MECOM: variants seen among roughly 807,000 people sequenced by gnomAD.
MECOM encodes histone-lysine N-methyltransferase MECOM.
MECOM carries 13 observed loss-of-function variants against 116.3 expected under a neutral mutation model. The ratio of observed to expected loss-of-function variants is 0.11; its 90% CI spans 0.07 to 0.18. The LOEUF is 0.18. MECOM is among the 10% of genes least tolerant of loss of function. The pLI is 1.00. For missense variants in MECOM, 1,299 were observed against 1,509.0 expected (o/e 0.86, Z 2.31); for synonymous variants, 528 against 535.2 (o/e 0.99, Z 0.19).
chr3:169,584,216 C>A (rs1278590485), intron 1 of MECOM, among the ~76,000 whole-genome samples: 2 of 152,012 alleles, frequency 1.3e-5, no homozygotes, highest in Non-Finnish European at 2.9e-5. Flanking sequence ...GACATTAGAA[C>A]AAATTTTTTT....
intron 3 of MECOM, among the ~76,000 whole-genome samples, chr3:169,137,406 G>A (rs973482760): frequency 1.3e-5 from 2 of 152,172 alleles, no homozygotes; most frequent in Admixed American, 6.5e-5. Flanking sequence ...CTGCAGGAAG[G>A]ATCCTATTAT....
At chr3:169,300,780 C>T (rs935166163) in intron 2 of MECOM, among the ~76,000 whole-genome samples, 4 of 152,202 alleles carry the variant, frequency 2.6e-5, no homozygotes, top group Admixed American at 6.5e-5. Context: ...ATAACCCAAA[C>T]GGGTTCCAAC....
chr3:169,517,357 T>C (rs1261815175), intron 1 of MECOM, among the ~76,000 whole-genome samples: 1 of 152,212 alleles, frequency 6.6e-6, no homozygotes, highest in Non-Finnish European at 1.5e-5. Flanking sequence ...AGGTAATAGA[T>C]TTATCTAAGC....
intron 1 of MECOM, among the ~76,000 whole-genome samples, chr3:169,517,311 A>C (rs933045678): frequency 6.6e-6 from 1 of 152,190 alleles, no homozygotes; most frequent in African/African-American, 2.4e-5. Flanking sequence ...AGAAATTCTC[A>C]ATAGTTGGGC....
At chr3:169,179,304 C>G (rs1316302963) in intron 2 of MECOM, among the ~76,000 whole-genome samples, 1 of 152,122 alleles carries the variant, frequency 6.6e-6, no homozygotes, top group Non-Finnish European at 1.5e-5. Context: ...AGCTAAGAAA[C>G]CCTACACTTC....
chr3:169,247,329 G>A (rs2149572452), intron 2 of MECOM, among the ~76,000 whole-genome samples: 1 of 150,882 alleles, frequency 6.6e-6, no homozygotes, highest in East Asian at 1.9e-4. Flanking sequence ...TTTTGAGATG[G>A]AGTTTCACTC....
chr3:169,236,087 A>G (rs1228721469), intron 2 of MECOM, among the ~76,000 whole-genome samples: 1 of 152,196 alleles, frequency 6.6e-6, no homozygotes, highest in Non-Finnish European at 1.5e-5. Flanking sequence ...CTGATGGTCT[A>G]TAGTGTACTG....
intron 1 of MECOM, among the ~76,000 whole-genome samples, chr3:169,626,019 T>A (rs1309481127): frequency 2.0e-5 from 3 of 152,240 alleles, no homozygotes; most frequent in Admixed American, 1.3e-4. Flanking sequence ...ATTTACCACT[T>A]TTATTTCCAA....
At chr3:169,242,125 T>C (rs1754900408) in intron 2 of MECOM, among the ~76,000 whole-genome samples, 1 of 152,232 alleles carries the variant, frequency 6.6e-6, no homozygotes, top group Non-Finnish European at 1.5e-5. Flanking sequence ...GCACTTTTAA[T>C]GCCGTTTTAC....
intron 1 of MECOM, among the ~76,000 whole-genome samples, chr3:169,393,673 A>G (rs140914573): frequency 6.6e-6 from 1 of 152,178 alleles, no homozygotes; most frequent in African/African-American, 2.4e-5. Flanking sequence ...TATCTCAGTG[A>G]TTTTTTTGGT....
At chr3:169,122,516 A>G in intron 6 of MECOM, 64 bp downstream of exon 6, 1 of 1,569,148 alleles carries the variant, frequency 6.4e-7, no homozygotes, top group East Asian at 2.2e-5. Flanking sequence ...TATCGTAGCA[A>G]GTGATGGATT....
At chr3:169,274,169 C>T (rs559132599) in intron 2 of MECOM, among the ~76,000 whole-genome samples, 1 of 152,218 alleles carries the variant, frequency 6.6e-6, no homozygotes, top group South Asian at 2.1e-4. Context: ...TCCTCGACCT[C>T]ACAAAGTGCT....
intron 1 of MECOM, among the ~76,000 whole-genome samples, chr3:169,428,546 G>A (rs982913558): frequency 2.6e-5 from 4 of 152,174 alleles, no homozygotes; most frequent in African/African-American, 4.8e-5. Flanking sequence ...GACCGGTACT[G>A]CAGGATTGCA....
chr3:169,654,751 G>C lies in MECOM; in HGVS notation c.37+8585C>G, dbSNP rs139005251. Among the ~76,000 whole-genome samples the C allele has an allele frequency of 3.9e-3, 596 of 151,916 alleles. 1 individual carries two copies. Among genetic ancestry groups the C allele is most frequent in the African/African-American group, 0.014 (563 of 41,392 alleles). On this transcript the variant is annotated intron_variant, in intron 1 of 16. Transcript: ENST00000651503. Reference sequence around the variant, plus strand: ...AGAAAGACACAACATAGTTGTAAAAGACTATTTTTCCAGATAAATGGCCAG... The same window carrying C: ...AGAAAGACACAACATAGTTGTAAAACACTATTTTTCCAGATAAATGGCCAG...
intron 2 of MECOM, among the ~76,000 whole-genome samples, chr3:169,172,459 T>C (rs1287753088): frequency 1.4e-5 from 2 of 145,162 alleles, no homozygotes; most frequent in Non-Finnish European, 3.0e-5. Context: ...ATATATAAAA[T>C]TAAAGGCCTA....
chr3:169,102,481 C>T (rs35919673), intron 10 of MECOM, among the ~76,000 whole-genome samples: 38,396 of 152,086 alleles, frequency 0.25, 5,073 homozygotes, highest in Non-Finnish European at 0.28. Context: ...TTATCATAAT[C>T]TGATATATAA....
intron 2 of MECOM, among the ~76,000 whole-genome samples, chr3:169,316,357 C>G (rs1719745511): frequency 6.6e-6 from 1 of 152,146 alleles, no homozygotes; most frequent in Admixed American, 6.5e-5. Flanking sequence ...CAAAAATACC[C>G]AGATACTAAA....
chr3:169,622,193 G>A lies in MECOM; in HGVS notation c.37+41143C>T, dbSNP rs545786098. Among the ~76,000 whole-genome samples the A allele has an allele frequency of 7.2e-5, 11 of 152,174 alleles. No homozygotes were observed. The East Asian group carries it at 1.4e-3, about 19-fold the overall frequency. On this transcript the variant is annotated intron_variant, in intron 1 of 16. Transcript: ENST00000651503. ...CAACCTCTGCTTCCTAGGTTCAAGC[G>A]ATTCTCCTGCCTCAGCCTCCCGAGT...
intron 1 of MECOM, among the ~76,000 whole-genome samples, chr3:169,538,394 C>T (rs1053781225): frequency 6.6e-6 from 1 of 152,186 alleles, no homozygotes; most frequent in African/African-American, 2.4e-5. Context: ...CTTAAAATAT[C>T]ACACCCACTT....
Sources: gnomAD v4.1 joint callset for allele counts (sites outside exome capture counted in the v4.1 genomes callset) on GRCh38, gnomAD v4.1.1 for gene constraint, MANE v1.5 for transcripts, NCBI Gene and HGNC (gene_info 2026-07-23, HGNC 2026-07-21) for gene names.